The following ROBO2 variants were observed in gnomAD, a reference collection of about 807,000 sequenced individuals.
The protein encoded by ROBO2 is roundabout guidance receptor 2, also known as roundabout homolog 2.
In ROBO2, 53 loss-of-function variants were observed where a neutral mutation model predicts 160.8. That is an observed-to-expected ratio of 0.33 (90% CI 0.26 to 0.41). ROBO2 has a LOEUF of 0.41. ROBO2 is among the 10% of genes least tolerant of loss of function. The pLI, the probability that ROBO2 is intolerant of heterozygous loss-of-function variation, is 1.00. For synonymous variants in ROBO2, 664 were observed against 611.7 expected (o/e 1.09, Z -1.26); for missense variants, 1,577 against 1,722.4 (o/e 0.92, Z 1.49).
intron 2 of ROBO2, among the ~76,000 whole-genome samples, chr3:76,664,984 G>A (rs1015736308): frequency 6.6e-6 from 1 of 152,162 alleles, no homozygotes; most frequent in African/African-American, 2.4e-5. Context: ...TTGCGTGAGG[G>A]CCAGTAAGAG....
rs537944229 is a variant in ROBO2 at position 76,617,398 on chromosome 3, T to C, written c.110-480616T>C. ...TTTTATCGTATGAAACTTTATAATCTAAACAAAGAATCTTTCTGAAACTTA... is the reference window on the plus strand; with the variant it reads ...TTTTATCGTATGAAACTTTATAATCCAAACAAAGAATCTTTCTGAAACTTA... On this transcript the variant is annotated intron_variant, in intron 2 of 26. Transcript: ENST00000487694. Among the ~76,000 whole-genome samples, 101 of 152,304 alleles carry C rather than the reference T, an allele frequency of 6.6e-4. 4 individuals carry two copies. In the South Asian group the frequency reaches 0.021, roughly 31 times the overall value.
rs185841719 is a variant in ROBO2, at chr3:76,063,265, A to G, written c.109+125663A>G. Among the ~76,000 whole-genome samples the G allele has an allele frequency of 2.6e-5, 4 of 151,962 alleles. No homozygotes were observed. The East Asian group carries it at 7.7e-4, about 29-fold the overall frequency. The stretch of plus-strand genomic sequence containing the variant: ...TTGGGCCTTTTGAGTTACTGGGCGA[A>G]GTCTAAAAATAGCTACCATTCACTG... On this transcript the variant is annotated intron_variant, in intron 2 of 26. Transcript: ENST00000487694.
intron 2 of ROBO2, among the ~76,000 whole-genome samples, chr3:76,184,289 C>T (rs1379248689): frequency 1.3e-5 from 2 of 152,050 alleles, no homozygotes; most frequent in African/African-American, 4.8e-5. Flanking sequence ...CATAGTCTCT[C>T]CTCCTCCAGT....
intron 1 of ROBO2, among the ~76,000 whole-genome samples, chr3:77,067,983 A>G (rs1051021370): frequency 2.0e-5 from 3 of 152,110 alleles, no homozygotes; most frequent in Non-Finnish European, 2.9e-5. Flanking sequence ...GTTCTAAATC[A>G]CGTCTAAGTC....
intron 2 of ROBO2, among the ~76,000 whole-genome samples, chr3:77,469,753 C>A (rs934023360): frequency 6.6e-6 from 1 of 152,114 alleles, no homozygotes; most frequent in African/African-American, 2.4e-5. Flanking sequence ...TCAAATTGTT[C>A]TTCATAAATG....
intron 2 of ROBO2, among the ~76,000 whole-genome samples, chr3:76,593,000 T>C (rs1470384190): frequency 6.6e-6 from 1 of 152,114 alleles, no homozygotes; most frequent in East Asian, 1.9e-4. Flanking sequence ...AGGCACTGTT[T>C]GAAAGAGCCT....
At chr3:76,330,805 A>T (rs1158493794) in intron 2 of ROBO2, among the ~76,000 whole-genome samples, 7 of 152,098 alleles carry the variant, frequency 4.6e-5, no homozygotes, top group Non-Finnish European at 1.5e-5. Context: ...TAAATGGTCC[A>T]GTGATGTCTA....
At chr3:76,187,136 A>C (rs907537591) in intron 2 of ROBO2, among the ~76,000 whole-genome samples, 1 of 151,896 alleles carries the variant, frequency 6.6e-6, no homozygotes, top group Non-Finnish European at 1.5e-5. Context: ...CCACACCTAT[A>C]CCTCTGGCCT....
chr3:76,946,250 C>A (rs902182894), intron 2 of ROBO2, among the ~76,000 whole-genome samples: 1 of 152,084 alleles, frequency 6.6e-6, no homozygotes, highest in Non-Finnish European at 1.5e-5. Context: ...TAATAACTAT[C>A]CCCAGTCTTG....
intron 2 of ROBO2, among the ~76,000 whole-genome samples, chr3:77,421,145 G>A (rs575763392): frequency 6.6e-6 from 1 of 152,032 alleles, no homozygotes. Flanking sequence ...TAATCCTTCT[G>A]TGCCTTAGGT....
At chr3:77,331,250 G>C (rs1172203161) in intron 2 of ROBO2, among the ~76,000 whole-genome samples, 2 of 152,182 alleles carry the variant, frequency 1.3e-5, no homozygotes, top group East Asian at 3.8e-4. Context: ...TTTATGTTTA[G>C]TGAAAGTGCC....
At chr3:77,069,663 A>G (rs1168107634) in intron 1 of ROBO2, among the ~76,000 whole-genome samples, 3 of 152,182 alleles carry the variant, frequency 2.0e-5, no homozygotes, top group African/African-American at 7.2e-5. Flanking sequence ...TTCAGTAAAC[A>G]TGTATTCAGC....
chr3:76,322,187 TATATATATATATATATAA>T (rs1434134553), intron 2 of ROBO2, among the ~76,000 whole-genome samples: 1 of 59,826 alleles, frequency 1.7e-5, no homozygotes, highest in Non-Finnish European at 5.6e-5. Context: ...TATATATATA[TATATATATATATATATAA>T]TATACACACA....
chr3:77,579,842 A>G, intron 15 of ROBO2, 105 bp from the exon 17 acceptor site: 2 of 1,066,404 alleles, frequency 1.9e-6, no homozygotes, highest in Non-Finnish European at 1.4e-6. Context: ...ATAAGCCTAG[A>G]AGATAGACAG....
chr3:77,211,798 C>G (rs893391791), intron 2 of ROBO2, among the ~76,000 whole-genome samples: 9 of 152,084 alleles, frequency 5.9e-5, no homozygotes, highest in South Asian at 4.2e-4. Context: ...CATATGGCTA[C>G]CCAGTTTCCC....
intron 2 of ROBO2, among the ~76,000 whole-genome samples, chr3:77,107,298 C>A (rs922054009): frequency 1.3e-5 from 2 of 152,052 alleles, no homozygotes; most frequent in African/African-American, 4.8e-5. Flanking sequence ...CAGCTCTGGC[C>A]TTTGGAGAGA....
At chr3:76,257,293 C>A (rs1559690996) in intron 2 of ROBO2, among the ~76,000 whole-genome samples, 1 of 145,864 alleles carries the variant, frequency 6.9e-6, no homozygotes, top group Non-Finnish European at 1.5e-5. Context: ...CACACACGTG[C>A]ATATGTGTGT....
At chr3:76,456,321 T>A (rs552161500) in intron 2 of ROBO2, among the ~76,000 whole-genome samples, 1 of 152,332 alleles carries the variant, frequency 6.6e-6, no homozygotes, top group Admixed American at 6.5e-5. Context: ...GACATTCCAT[T>A]GGTTTGTTCA....
At chr3:77,580,057 G>A (rs372629835) in exon 16 of ROBO2, 1 of 1,613,908 alleles carries the variant, frequency 6.2e-7, no homozygotes. Flanking sequence ...ACCGGGTAGA[G>A]GTTGCAGCTA....
Sources: gnomAD v4.1 joint callset for allele counts (sites outside exome capture counted in the v4.1 genomes callset) on GRCh38, gnomAD v4.1.1 for gene constraint, MANE v1.5 for transcripts, NCBI Gene and HGNC (gene_info 2026-07-23, HGNC 2026-07-21) for gene names.